TASOR2: variants seen among roughly 807,000 people sequenced by gnomAD.
The protein encoded by TASOR2 is transcription activation suppressor family member 2.
TASOR2 carries 84 observed loss-of-function variants against 199.5 expected under a neutral mutation model. The ratio of observed to expected loss-of-function variants is 0.42; its 90% CI spans 0.35 to 0.50. TASOR2 has a LOEUF of 0.50. Among genes scored for constraint, TASOR2 ranks in the 20% least tolerant of loss-of-function variants. TASOR2 has a pLI of 0.02. For missense variants in TASOR2, 2,796 were observed against 2,835.9 expected (o/e 0.99, Z 0.32); for synonymous variants, 1,103 against 1,046.6 (o/e 1.05, Z -1.04).
At chr10:5,739,033 A>G (rs891492189) in intron 12 of TASOR2, among the ~76,000 whole-genome samples, 1 of 152,228 alleles carries the variant, frequency 6.6e-6, no homozygotes, top group African/African-American at 2.4e-5. Flanking sequence ...TACTCTTAGG[A>G]CTTTTCTAAT....
Position 5,720,397 on chromosome 10 carries a change from G to C in TASOR2, c.-99-147G>C. On this transcript the variant is annotated intron_variant, in intron 3 of 20. Coordinates refer to ENST00000328090, the Ensembl canonical transcript of TASOR2. This position sits in a 1 kb window ranked among gnomAD's most constrained non-coding sequence, Gnocchi z 5.3. ...ATTTTCGTGCCTTTGAACTGAGTCA[G>C]GTATAGTTACCTGTGAATGAGTAAC... 7.3e-7 allele frequency: 1 copy of C among 1,376,926 alleles called. No homozygotes were observed. The highest frequency in any genetic ancestry group is 9.3e-7 in the Non-Finnish European group (1 of 1,071,528). The allele number at this position is 1,376,926 out of a possible 1,614,324, so 85.3% of individuals were successfully genotyped here.
At chr10:5,727,216 C>T in intron 10 of TASOR2, 93 bp downstream of exon 11, 2 of 1,295,782 alleles carry the variant, frequency 1.5e-6, no homozygotes, top group East Asian at 2.3e-5. Flanking sequence ...ACACTGTTGA[C>T]TGTTTTTTCC....
chr10:5,762,945 T>C (rs1588956357), intron 20 of TASOR2, 84 bp from the exon 22 acceptor site: 1 of 1,327,104 alleles, frequency 7.5e-7, no homozygotes, highest in Non-Finnish European at 1.1e-6. Context: ...CATAGGCGTT[T>C]TCCCCATTAG....
chr10:5,731,064 G>A, exon 11 of TASOR2: 3 of 1,614,088 alleles, frequency 1.9e-6, no homozygotes, highest in Non-Finnish European at 2.5e-6. Context: ...AGGCCAGCAT[G>A]CCCCACATGG....
intron 1 of TASOR2, among the ~76,000 whole-genome samples, chr10:5,703,503 ATTTTTTT>A (rs371366460): frequency 3.6e-5 from 4 of 110,260 alleles, no homozygotes; most frequent in Non-Finnish European, 6.9e-5. Context: ...GGTTTTTCTG[ATTTTTTT>A]TTTTTTTTTT....
intron 17 of TASOR2, 143 bp from the exon 19 acceptor site, chr10:5,758,744 A>T: frequency 1.6e-6 from 1 of 630,654 alleles, no homozygotes; most frequent in Non-Finnish European, 2.8e-6. Flanking sequence ...GCCCAACCAC[A>T]TAAGTGACAG....
At chr10:5,749,866 C>G (rs779879579) in exon 15 of TASOR2, 13 of 1,614,180 alleles carry the variant, frequency 8.1e-6, no homozygotes, top group Non-Finnish European at 1.1e-5. Context: ...AGAGATGTAT[C>G]TGCCTTTCCC....
At chr10:5,746,137 T>C in intron 14 of TASOR2, 42 bp from the exon 16 acceptor site, 1 of 1,487,742 alleles carries the variant, frequency 6.7e-7, no homozygotes, top group Non-Finnish European at 8.9e-7. Context: ...AAAAACATTT[T>C]ATATGACTGA....
chr10:5,718,005 C>G (rs538200483), intron 3 of TASOR2, among the ~76,000 whole-genome samples: 1 of 152,180 alleles, frequency 6.6e-6, no homozygotes, highest in East Asian at 1.9e-4. Context: ...GTCAGAGCTA[C>G]TTTTTAAATA....
intron 10 of TASOR2, 116 bp downstream of exon 11, chr10:5,727,239 CT>C (rs1834165284): frequency 1.3e-5 from 13 of 1,019,266 alleles, no homozygotes; most frequent in Non-Finnish European, 1.9e-5. Context: ...TTAAATACCT[CT>C]TTTCTTAACA....
exon 19 of TASOR2, chr10:5,761,425 C>T: frequency 6.2e-7 from 1 of 1,613,568 alleles, no homozygotes; most frequent in Non-Finnish European, 8.5e-7. Flanking sequence ...GTTTGCTAAA[C>T]CTGCAAATTC....
At position 5,742,458 on chromosome 10, in the gene TASOR2, A is replaced by G. The variant is rs1409621319; in HGVS notation, c.2689A>G (p.Thr897Ala). ...CTGTGTACAAAATGAACAGAAAAAA[A>G]CTTTTGCAAGAGAGTGTGATCCAGA... The change falls in exon 14 of 21, where the codon ACT (threonine) becomes GCT (alanine). Residue 897 changes from threonine to alanine, a missense_variant. Transcript: ENST00000328090. The surrounding 1 kb of genome is among the most constrained non-coding windows in gnomAD (Gnocchi z 4.2). 8.1e-6 allele frequency: 13 copies of G among 1,613,988 alleles called. No individual in the cohort carries two copies. The highest frequency in any genetic ancestry group is 9.3e-6 in the Non-Finnish European group (11 of 1,180,014).
At chr10:5,735,679 A>AT in intron 12 of TASOR2, 133 bp downstream of exon 13, 1 of 1,188,772 alleles carries the variant, frequency 8.4e-7, no homozygotes, top group Non-Finnish European at 1.1e-6. Flanking sequence ...CAGTTCAGAC[A>AT]TTAAAAAAAC....
chr10:5,731,030 A>G (rs774256438), exon 11 of TASOR2: 1 of 1,614,156 alleles, frequency 6.2e-7, no homozygotes, highest in Non-Finnish European at 8.5e-7. Flanking sequence ...CCAGCGTCAA[A>G]TCTGAGAGTG....
Position 5,730,575 on chromosome 10 carries a change from G to A in TASOR2, c.576G>A (p.Lys192=), listed in dbSNP as rs750585224. 6.2e-7 allele frequency: 1 copy of A among 1,614,118 alleles called. No homozygotes were observed. The highest frequency in any genetic ancestry group is 2.2e-5 in the East Asian group (1 of 44,886). ...TTAATTGTGCCCTGCTAGAAACAAA[G>A]AAATCACTTCCTGAAGAAAGAATCC... is the stretch of plus-strand genomic sequence containing the variant. The change falls in exon 11 of 21, where the codon AAG becomes AAA. Residue 192 remains lysine (K), a synonymous_variant. Coordinates refer to ENST00000328090, the Ensembl canonical transcript of TASOR2. The surrounding 1 kb of genome is among the most constrained non-coding windows in gnomAD (Gnocchi z 4.1).
In TASOR2 at chr10:5,762,526, T is replaced by TTAAAA; in HGVS notation, c.7175-6_7175-5insTAAAA. 1.4e-6 allele frequency: 1 copy of TTAAAA among 699,660 alleles called. No homozygotes were observed. 43.3% of individuals were successfully genotyped at this position (699,660 alleles called of 1,614,324 possible). A position where few individuals can be genotyped will look rare whatever the true frequency, so the allele number is the denominator to read the frequency against. On this transcript the variant is annotated splice_region_variant and splice_polypyrimidine_tract_variant and intron_variant, in intron 19 of 20. Transcript: ENST00000328090. ...ACCAAAAGTTGTTTTTTTTTTTTTT[T>TTAAAA]AACAGACAAGCCTACTATCCCCAGA...
Position 5,748,740 on chromosome 10 carries a change from C to G in TASOR2, c.5319C>G (p.Ala1773=). Residue 1773 remains alanine (A), a synonymous_variant, in exon 15 of 21, where the codon GCC becomes GCG. Transcript: ENST00000328090. The surrounding 1 kb of genome is among the most constrained non-coding windows in gnomAD (Gnocchi z 5.1). ...AAAACCTCAGTAAAGAGCCTTTGGC[C>G]TCCTTTGTTTCAGAATCCTTTGATA... The G allele has an allele frequency of 6.2e-7, 1 of 1,614,150 alleles. No homozygotes were observed. The highest frequency in any genetic ancestry group is 8.5e-7 in the Non-Finnish European group (1 of 1,180,028).
In TASOR2 at chr10:5,720,411, T is replaced by G; in HGVS notation, c.-99-133T>G. 1.4e-6 allele frequency: 2 copies of G among 1,391,508 alleles called. No homozygotes were observed. Among genetic ancestry groups the G allele is most frequent in the South Asian group, 1.8e-5 (1 of 54,828 alleles). 86.2% of individuals were successfully genotyped at this position (1,391,508 alleles called of 1,614,324 possible). A position where few individuals can be genotyped will look rare whatever the true frequency, so the allele number is the denominator to read the frequency against. ...GAACTGAGTCAGGTATAGTTACCTGTGAATGAGTAACACCCAAGATATATT... is the reference window on the plus strand; with the variant it reads ...GAACTGAGTCAGGTATAGTTACCTGGGAATGAGTAACACCCAAGATATATT... On this transcript the variant is annotated intron_variant, in intron 3 of 20. Transcript: ENST00000328090. The surrounding 1 kb of genome is among the most constrained non-coding windows in gnomAD (Gnocchi z 5.3).
chr10:5,758,279 G>T (rs946073574), intron 17 of TASOR2, among the ~76,000 whole-genome samples: 1 of 152,148 alleles, frequency 6.6e-6, no homozygotes, highest in Non-Finnish European at 1.5e-5. Context: ...GTAGGCACAC[G>T]TCTGTAATCC....
Sources: gnomAD v4.1 joint callset for allele counts (sites outside exome capture counted in the v4.1 genomes callset) on GRCh38, gnomAD v4.1.1 for gene constraint, Gnocchi (gnomAD v3.1) non-coding constraint, MANE v1.5 for transcripts, NCBI Gene and HGNC (gene_info 2026-07-23, HGNC 2026-07-21) for gene names.